Variants in RPS6KC1 observed in about 807,000 individuals in gnomAD.
The protein encoded by RPS6KC1 is ribosomal protein S6 kinase C1.
A neutral mutation model predicts 103.8 loss-of-function variants in RPS6KC1; 54 were observed. That is an observed-to-expected ratio of 0.52 (90% CI 0.42 to 0.65). The LOEUF is 0.65. Among genes scored for constraint, RPS6KC1 ranks in the 30% least tolerant of loss-of-function variants. The pLI, the probability that RPS6KC1 is intolerant of heterozygous loss-of-function variation, is 0.00. For missense variants in RPS6KC1, 1,151 were observed against 1,253.8 expected (o/e 0.92, Z 1.24); for synonymous variants, 439 against 438.7 (o/e 1.00, Z -0.01).
At chr1:213,453,524 G>T in the RPS6KC1 span, among the ~76,000 whole-genome samples, 1 of 152,152 alleles carries the variant, frequency 6.6e-6, no homozygotes, top group Non-Finnish European at 1.5e-5. Context: ...GGTATTCTAG[G>T]CAGGGAGAGT....
At chr1:213,171,140 A>G (rs2091443719) in intron 7 of RPS6KC1, among the ~76,000 whole-genome samples, 1 of 152,144 alleles carries the variant, frequency 6.6e-6, no homozygotes, top group Non-Finnish European at 1.5e-5. Context: ...TTTATATAAT[A>G]AATATAAAAG....
intron 6 of RPS6KC1, among the ~76,000 whole-genome samples, chr1:213,143,467 T>G (rs1391449180): frequency 2.6e-5 from 4 of 152,016 alleles, no homozygotes; most frequent in Non-Finnish European, 5.9e-5. Flanking sequence ...TTTGTATTCC[T>G]TTCTCATTCT....
chr1:213,517,678 T>A, the RPS6KC1 span, among the ~76,000 whole-genome samples: 1 of 152,160 alleles, frequency 6.6e-6, no homozygotes, highest in Non-Finnish European at 1.5e-5. Context: ...ATAGGTGTGG[T>A]GTGGTGCTGA....
chr1:213,783,841 A>AT, the RPS6KC1 span, among the ~76,000 whole-genome samples: 3 of 145,540 alleles, frequency 2.1e-5, no homozygotes, highest in Non-Finnish European at 4.4e-5. Flanking sequence ...AAAAAAAAAA[A>AT]ATCCAAACCA....
the RPS6KC1 span, among the ~76,000 whole-genome samples, chr1:213,607,363 T>C: frequency 6.6e-6 from 1 of 152,232 alleles, no homozygotes; most frequent in African/African-American, 2.4e-5. Context: ...AGGATTTGGA[T>C]ATCTTGTGTA....
At chr1:213,813,084 C>T in the RPS6KC1 span, among the ~76,000 whole-genome samples, 4 of 152,026 alleles carry the variant, frequency 2.6e-5, no homozygotes, top group African/African-American at 7.2e-5. Flanking sequence ...AACCCCGTCT[C>T]TACTAAAAAT....
At chr1:213,122,975 G>A (rs1288041633) in intron 5 of RPS6KC1, among the ~76,000 whole-genome samples, 1 of 152,074 alleles carries the variant, frequency 6.6e-6, no homozygotes, top group Non-Finnish European at 1.5e-5. Flanking sequence ...GATAATATTG[G>A]ATATTAGGAG....
At chr1:213,302,626 TGACGTGTCGTGGAA>T in the RPS6KC1 span, among the ~76,000 whole-genome samples, 3 of 152,232 alleles carry the variant, frequency 2.0e-5, no homozygotes, top group African/African-American at 7.2e-5. Flanking sequence ...AAGGCGGGGT[TGACGTGTCGTGGAA>T]GATTACTGTG....
At chr1:213,753,074 C>T in the RPS6KC1 span, among the ~76,000 whole-genome samples, 1 of 152,166 alleles carries the variant, frequency 6.6e-6, no homozygotes. Flanking sequence ...AGGTTAATGT[C>T]GATGCTAGTA....
the RPS6KC1 span, among the ~76,000 whole-genome samples, chr1:213,385,714 A>T: frequency 1.3e-5 from 2 of 152,146 alleles, no homozygotes; most frequent in Non-Finnish European, 2.9e-5. Flanking sequence ...AGTAGACCTC[A>T]CCAGGACAGG....
At chr1:213,150,802 C>T (rs1473293013) in intron 6 of RPS6KC1, among the ~76,000 whole-genome samples, 1 of 152,234 alleles carries the variant, frequency 6.6e-6, no homozygotes, top group African/African-American at 2.4e-5. Flanking sequence ...CATTGTCATC[C>T]TGGCCCGTTC....
chr1:213,286,298 A>G, the RPS6KC1 span, among the ~76,000 whole-genome samples: 3 of 152,188 alleles, frequency 2.0e-5, no homozygotes, highest in East Asian at 5.8e-4. Flanking sequence ...AAACTGCTTT[A>G]TTCTAAAAGA....
Position 213,104,456 on chromosome 1 carries a change from C to T in RPS6KC1, c.265C>T (p.Arg89Ter), listed in dbSNP as rs1469713567. 4.0e-5 allele frequency: 64 copies of T among 1,593,806 alleles called. No individual in the cohort carries two copies. Among genetic ancestry groups the T allele is most frequent in the Non-Finnish European group, 5.2e-5 (60 of 1,163,424 alleles). The change falls in exon 4 of 15, where the codon CGA (arginine) becomes TGA (stop). Residue 89 changes from arginine to a stop codon, truncating the protein, a stop_gained and splice_region_variant. Coordinates refer to ENST00000366960, the MANE Select transcript of RPS6KC1 (RefSeq NM_012424.6). LOFTEE classifies it high-confidence loss of function. Reference sequence around the variant, plus strand: ...TGTTGATTCTTATTTAATTGTAGGGCGATTTGATGAAACTGTTATCGAAGA... The same window carrying T: ...TGTTGATTCTTATTTAATTGTAGGGTGATTTGATGAAACTGTTATCGAAGA... Reference protein sequence around the residue: ...PPFAKGIVFGRFDETVIEERR... With the variant: ...PPFAKGIVFG
chr1:213,754,849 T>G, the RPS6KC1 span, among the ~76,000 whole-genome samples: 1 of 152,196 alleles, frequency 6.6e-6, no homozygotes, highest in East Asian at 1.9e-4. Context: ...ACACAAACAT[T>G]CAATCCATAA....
the RPS6KC1 span, among the ~76,000 whole-genome samples, chr1:213,570,641 A>G: frequency 1.3e-5 from 2 of 152,200 alleles, no homozygotes; most frequent in Non-Finnish European, 2.9e-5. Flanking sequence ...TCATTGGGTG[A>G]GTCTCATCTG....
chr1:213,704,477 A>G, the RPS6KC1 span, among the ~76,000 whole-genome samples: 1 of 150,056 alleles, frequency 6.7e-6, no homozygotes, highest in Non-Finnish European at 1.5e-5. Context: ...TTGGTCTTTT[A>G]AAGTATTTCA....
At chr1:213,717,317 C>T in the RPS6KC1 span, among the ~76,000 whole-genome samples, 1 of 152,180 alleles carries the variant, frequency 6.6e-6, no homozygotes, top group Non-Finnish European at 1.5e-5. Flanking sequence ...TCAAGGGCTT[C>T]AAGGGCATTA....
intron 8 of RPS6KC1, among the ~76,000 whole-genome samples, chr1:213,217,270 A>G (rs1334114472): frequency 2.0e-5 from 3 of 151,988 alleles, no homozygotes; most frequent in Non-Finnish European, 4.4e-5. Context: ...TAGAAAATCT[A>G]GAAGAAATGG....
the RPS6KC1 span, among the ~76,000 whole-genome samples, chr1:213,782,992 G>A: frequency 3.1e-4 from 47 of 152,244 alleles, no homozygotes; most frequent in Middle Eastern, 3.4e-3. Context: ...TCACCATTTC[G>A]GAAGCGCTGG....
Sources: allele counts gnomAD v4.1 joint callset (sites outside exome capture counted in the v4.1 genomes callset), GRCh38; gene constraint gnomAD v4.1.1; transcripts MANE v1.5; gene names NCBI Gene and HGNC (gene_info 2026-07-23, HGNC 2026-07-21).